PAK6: variants seen among roughly 807,000 people sequenced by gnomAD.
The protein encoded by PAK6 is p21 (RAC1) activated kinase 6.
Under a neutral mutation model 60.8 loss-of-function variants are expected in PAK6, and 33 were observed. That is an observed-to-expected ratio of 0.54 (90% confidence interval 0.41 to 0.73). The LOEUF (loss-of-function observed/expected upper bound fraction) is 0.73. Among genes scored for constraint, PAK6 ranks in the 30% least tolerant of loss-of-function variants. PAK6 has a pLI of 0.00. For missense variants in PAK6, 845 were observed against 904.1 expected (o/e 0.93, Z 0.84); for synonymous variants, 404 against 378.5 (o/e 1.07, Z -0.78).
chr15:40,273,487 G>T lies in PAK6; in HGVS notation c.1617+15G>T, dbSNP rs757050106. Reference sequence around the variant, plus strand: ...TCGATGGCAGGGTAGGTCCCATCCTGTCCCTGGCACAGCCACGCTCCCACT... The same window carrying T: ...TCGATGGCAGGGTAGGTCCCATCCTTTCCCTGGCACAGCCACGCTCCCACT... On this transcript the variant is annotated intron_variant, in intron 8 of 10. Transcript: ENST00000560346. 1 of 1,613,472 alleles carries T rather than the reference G, an allele frequency of 6.2e-7. No homozygotes were observed. Among genetic ancestry groups the T allele is most frequent in the Non-Finnish European group, 8.5e-7 (1 of 1,179,816 alleles).
chr15:40,260,021 T>C (rs2038944097), intron 3 of PAK6: 2 of 152,090 alleles, frequency 1.3e-5, no homozygotes, highest in African/African-American at 4.8e-5. Flanking sequence ...CCCTAATCTA[T>C]ATCATCAAGA....
intron 2 of PAK6, among the ~76,000 whole-genome samples, chr15:40,248,073 A>G (rs139503037): frequency 6.6e-6 from 1 of 152,264 alleles, no homozygotes; most frequent in East Asian, 1.9e-4. Flanking sequence ...CATTACATGC[A>G]TCAGGAAACT....
chr15:40,275,284 T>TCTTTTTC (rs71132158), intron 10 of PAK6, among the ~76,000 whole-genome samples: 2 of 100,136 alleles, frequency 2.0e-5, no homozygotes, highest in African/African-American at 7.9e-5. Flanking sequence ...TTGTTGGTTT[T>TCTTTTTC]TTTTTTTTTT....
chr15:40,276,444 C>T lies in PAK6; in HGVS notation c.*350C>T, dbSNP rs1004375742. On this transcript the variant is annotated 3_prime_UTR_variant, in exon 11 of 11. Coordinates refer to ENST00000560346, the Ensembl canonical transcript of PAK6. ...TTAAAGGCAGTTGTCCACTAGTGTC[C>T]TAGGCCACTGCAGAGGGCAGACTGC... is the stretch of plus-strand genomic sequence containing the variant. The T allele has an allele frequency of 1.7e-5, 4 of 229,786 alleles. No individual in the cohort carries two copies. The Admixed American group carries it at 2.2e-4, about 12-fold the overall frequency. 14.2% of individuals were successfully genotyped at this position (229,786 alleles called of 1,614,324 possible). A position where few individuals can be genotyped will look rare whatever the true frequency, so the allele number is the denominator to read the frequency against.
At chr15:40,252,318 C>T in intron 2 of PAK6, 1 of 1,247,092 alleles carries the variant, frequency 8.0e-7, no homozygotes, top group Non-Finnish European at 1.0e-6. Context: ...CTCCGCGAGG[C>T]GGCCACTGGG....
intron 2 of PAK6, among the ~76,000 whole-genome samples, chr15:40,249,699 C>T (rs778872429): frequency 1.3e-5 from 2 of 152,250 alleles, no homozygotes; most frequent in Non-Finnish European, 2.9e-5. Context: ...ACAAGCTGAT[C>T]CCTATCTTTC....
chr15:40,261,038 A>G lies in PAK6; in HGVS notation c.-5-3743A>G, dbSNP rs768217863. ...TGAGTAGCTGGGACTACAGGTGCCCACCACCACACCCGGCTAATGTTTTGT... is the reference window on the plus strand; with the variant it reads ...TGAGTAGCTGGGACTACAGGTGCCCGCCACCACACCCGGCTAATGTTTTGT... On this transcript the variant is annotated intron_variant, in intron 3 of 10. Transcript: ENST00000560346. Among the ~76,000 whole-genome samples, 55 of 151,670 alleles carry G rather than the reference A, an allele frequency of 3.6e-4. 1 individual carries two copies. Among genetic ancestry groups the G allele is most frequent in the South Asian group, 1.0e-3 (5 of 4,798 alleles).
chr15:40,263,668 G>T (rs2140976464), intron 3 of PAK6: 16 of 314,530 alleles, frequency 5.1e-5, no homozygotes, highest in South Asian at 4.2e-4. Context: ...AGGCTGGAGT[G>T]CAGTGGGGCA....
At position 40,248,516 on chromosome 15, in the gene PAK6, G is replaced by A. The variant is rs541521882; in HGVS notation, c.-117-4662G>A. Among the ~76,000 whole-genome samples, 7 of 152,296 alleles carry A rather than the reference G, an allele frequency of 4.6e-5. No individual in the cohort carries two copies. In the South Asian group the frequency reaches 1.2e-3, roughly 27 times the overall value. On this transcript the variant is annotated intron_variant, in intron 2 of 10. Transcript: ENST00000560346. The stretch of plus-strand genomic sequence containing the variant: ...GGCAGGTCCTGCTTGAGGGCCTGAG[G>A]CGACTGGGCCATCTGGGTCTGTGAA...
intron 3 of PAK6, chr15:40,260,090 G>A (rs924148256): frequency 6.6e-6 from 1 of 152,162 alleles, no homozygotes; most frequent in Non-Finnish European, 1.5e-5. Flanking sequence ...ACCCATGACT[G>A]TGGACAGGTT....
At chr15:40,243,316 A>G (rs145003990) in intron 2 of PAK6, among the ~76,000 whole-genome samples, 33 of 152,296 alleles carry the variant, frequency 2.2e-4, no homozygotes, top group East Asian at 1.4e-3. Flanking sequence ...GTTGGTTAAC[A>G]TGAAGTCAGC....
chr15:40,264,577 A>T, intron 3 of PAK6: 1 of 632,110 alleles, frequency 1.6e-6, no homozygotes. Flanking sequence ...TGGCTTATTT[A>T]TGGCACGTTT....
rs539586569 is a variant in PAK6, at chr15:40,253,994, T to C, written c.-6+705T>C. ...GGCCGGTGTGGCATAGGTTGCCGCA[T>C]TGGATAAGAAAACGCCTGGTTCCAT... On this transcript the variant is annotated intron_variant, in intron 3 of 10. Transcript: ENST00000560346. Among the ~76,000 whole-genome samples, 20 of 152,294 alleles carry C rather than the reference T, an allele frequency of 1.3e-4. 1 individual carries two copies. The South Asian group carries it at 4.1e-3, about 32-fold the overall frequency.
intron 2 of PAK6, among the ~76,000 whole-genome samples, chr15:40,242,493 G>A (rs1459571165): frequency 6.6e-6 from 1 of 152,216 alleles, no homozygotes; most frequent in Non-Finnish European, 1.5e-5. Context: ...TCATCAGGAG[G>A]CATCTGGCCG....
At chr15:40,247,627 G>C (rs913074657) in intron 2 of PAK6, among the ~76,000 whole-genome samples, 1 of 152,320 alleles carries the variant, frequency 6.6e-6, no homozygotes, top group South Asian at 2.1e-4. Context: ...GGGAAAGGCA[G>C]GCAGAGAGAG....
At position 40,265,881 on chromosome 15, in the gene PAK6, A is replaced by G. The variant is rs949588571; in HGVS notation, c.244A>G (p.Ile82Val). 3.8e-6 allele frequency: 6 copies of G among 1,560,452 alleles called. No homozygotes were observed. The African/African-American group carries it at 8.1e-5, about 21-fold the overall frequency. ...CAGCGCGATGCCTGTGGATGGCTAC[A>G]TCTCGGGGCTGCTCAACGACATCCA... The change falls in exon 5 of 11, where the codon ATC (isoleucine) becomes GTC (valine). Residue 82 changes from isoleucine to valine, a missense_variant. Physicochemically the swap from Ile to Val is conservative, Grantham distance 29 (BLOSUM62 3). Coordinates refer to ENST00000560346, the Ensembl canonical transcript of PAK6.
intron 2 of PAK6, among the ~76,000 whole-genome samples, chr15:40,242,821 G>C (rs188756383): frequency 6.6e-6 from 1 of 152,172 alleles, no homozygotes; most frequent in Non-Finnish European, 1.5e-5. Flanking sequence ...AGGGTGTGGG[G>C]TCCAGGCAGC....
At chr15:40,247,905 G>A (rs1234259345) in intron 2 of PAK6, among the ~76,000 whole-genome samples, 1 of 152,186 alleles carries the variant, frequency 6.6e-6, no homozygotes, top group Non-Finnish European at 1.5e-5. Flanking sequence ...CCAGGGTCGG[G>A]GAGGGGAGCT....
chr15:40,272,591 G>C (rs1244302233), exon 6 of PAK6: 1 of 1,612,984 alleles, frequency 6.2e-7, no homozygotes, highest in South Asian at 1.1e-5. Context: ...CTGCTGGACA[G>C]CTACGTGAAG....
Sources: allele counts gnomAD v4.1 joint callset (sites outside exome capture counted in the v4.1 genomes callset), GRCh38; gene constraint gnomAD v4.1.1; transcripts MANE v1.5; gene names NCBI Gene and HGNC (gene_info 2026-07-23, HGNC 2026-07-21).